Variants in CACNB2 observed in about 807,000 individuals in gnomAD.
The protein encoded by CACNB2 is voltage-dependent L-type calcium channel subunit beta-2.
In CACNB2, 42 loss-of-function variants were observed where a neutral mutation model predicts 73.3. That is an observed-to-expected ratio of 0.57 (90% CI 0.45 to 0.74). CACNB2 has a LOEUF of 0.74. CACNB2 is among the 30% of genes least tolerant of loss of function. The pLI, the probability that CACNB2 is intolerant of heterozygous loss-of-function variation, is 0.00. For synonymous variants in CACNB2, 348 were observed against 310.3 expected (o/e 1.12, Z -1.28); for missense variants, 940 against 853.0 (o/e 1.10, Z -1.27).
intron 3 of CACNB2, among the ~76,000 whole-genome samples, chr10:18,487,081 T>C (rs965209213): frequency 1.3e-5 from 2 of 152,238 alleles, no homozygotes; most frequent in East Asian, 3.9e-4. Context: ...CGCGAGAGAT[T>C]GTTCGGACCA....
At chr10:18,311,371 T>C (rs550420529) in intron 2 of CACNB2, among the ~76,000 whole-genome samples, 2 of 152,240 alleles carry the variant, frequency 1.3e-5, no homozygotes, top group East Asian at 1.9e-4. Flanking sequence ...TCCATGTAGA[T>C]AGGTAGGAGT....
At chr10:18,533,141 A>C (rs2053229799) in intron 10 of CACNB2, 1 of 152,200 alleles carries the variant, frequency 6.6e-6, no homozygotes, top group Admixed American at 6.5e-5. Flanking sequence ...CACATTTGCT[A>C]GCATAAAAGT....
chr10:18,217,753 G>A (rs2035572332), intron 2 of CACNB2, among the ~76,000 whole-genome samples: 1 of 151,774 alleles, frequency 6.6e-6, no homozygotes, highest in African/African-American at 2.4e-5. Context: ...TGTGACTGGT[G>A]TGTTCAGATA....
intron 2 of CACNB2, among the ~76,000 whole-genome samples, chr10:18,186,515 A>G (rs1459781629): frequency 6.6e-6 from 1 of 152,212 alleles, no homozygotes; most frequent in Non-Finnish European, 1.5e-5. Flanking sequence ...TACAGGAAGC[A>G]TGATGCTGGC....
At chr10:18,235,284 C>T (rs2036396337) in intron 2 of CACNB2, among the ~76,000 whole-genome samples, 1 of 151,904 alleles carries the variant, frequency 6.6e-6, no homozygotes, top group African/African-American at 2.4e-5. Flanking sequence ...AAGACCCAGT[C>T]CCTATAAAAA....
At chr10:18,197,615 G>A (rs1400124577) in intron 2 of CACNB2, among the ~76,000 whole-genome samples, 1 of 152,126 alleles carries the variant, frequency 6.6e-6, no homozygotes, top group African/African-American at 2.4e-5. Context: ...GAAGTTTCTA[G>A]GAAACCTCTC....
chr10:18,350,617 G>A (rs920536036), intron 2 of CACNB2, among the ~76,000 whole-genome samples: 5 of 152,170 alleles, frequency 3.3e-5, no homozygotes, highest in African/African-American at 9.7e-5. Context: ...TGCAGGTCCT[G>A]TAGCAGGAGG....
Position 18,294,042 on chromosome 10 carries a change from A to G in CACNB2, c.214-107882A>G, listed in dbSNP as rs190636060. On this transcript the variant is annotated intron_variant, in intron 2 of 13. Transcript: ENST00000324631. ...CCATTTGGATATTTATTTAGACTTGAGTTCAGGAGGAGAATAAAATGATTC... is the reference window on the plus strand; with the variant it reads ...CCATTTGGATATTTATTTAGACTTGGGTTCAGGAGGAGAATAAAATGATTC... Among the ~76,000 whole-genome samples the G allele has an allele frequency of 7.6e-3, 1,161 of 152,310 alleles. 11 individuals carry two copies. The highest frequency in any genetic ancestry group is 0.013 in the Non-Finnish European group (905 of 68,032).
chr10:18,512,243 TC>T (rs2050840536), intron 6 of CACNB2, among the ~76,000 whole-genome samples: 1 of 152,212 alleles, frequency 6.6e-6, no homozygotes, highest in South Asian at 2.1e-4. Context: ...CCACTCTGCC[TC>T]TTTTGTTAAA....
chr10:18,392,731 A>G (rs2043536658), intron 2 of CACNB2, among the ~76,000 whole-genome samples: 1 of 152,108 alleles, frequency 6.6e-6, no homozygotes, highest in Admixed American at 6.6e-5. Context: ...GAATTTCTAG[A>G]CCAAAAATTC....
intron 2 of CACNB2, among the ~76,000 whole-genome samples, chr10:18,225,728 C>G (rs1428935259): frequency 6.6e-6 from 1 of 152,008 alleles, no homozygotes; most frequent in Non-Finnish European, 1.5e-5. Flanking sequence ...CAACCTCCAC[C>G]TCCCGGGCTC....
In CACNB2 at chr10:18,538,326, A is replaced by T. The variant is rs749495750; in HGVS notation, c.1449A>T (p.Ser483=). The T allele has an allele frequency of 6.2e-7, 1 of 1,614,068 alleles. No homozygotes were observed. Among genetic ancestry groups the T allele is most frequent in the Admixed American group, 1.7e-5 (1 of 60,010 alleles). ...TCCTTAGCCGTACATTAGCCACTTC[A>T]AGTCTGCCTCTTAGCCCCACCCTAG... The part of the protein sequence containing the change: ...NPLLSRTLAT[S]SLPLSPTLAS... The change falls in exon 13 of 14, where the codon TCA becomes TCT. Residue 483 remains serine (S), a synonymous_variant. Coordinates refer to ENST00000324631, the MANE Select transcript of CACNB2 (RefSeq NM_201596.3).
chr10:18,278,011 T>C (rs578058981), intron 2 of CACNB2, among the ~76,000 whole-genome samples: 1 of 152,318 alleles, frequency 6.6e-6, no homozygotes, highest in African/African-American at 2.4e-5. Flanking sequence ...ACCTAGGTAG[T>C]ATACAGAAAT....
At chr10:18,466,564 T>C (rs1458958704) in intron 3 of CACNB2, among the ~76,000 whole-genome samples, 2 of 152,198 alleles carry the variant, frequency 1.3e-5, no homozygotes, top group Non-Finnish European at 2.9e-5. Flanking sequence ...TATATGAAAG[T>C]CCTACATAGA....
At chr10:18,315,353 A>AAAACAAAACC (rs1163375419) in intron 2 of CACNB2, among the ~76,000 whole-genome samples, 2 of 150,388 alleles carry the variant, frequency 1.3e-5, no homozygotes, top group Non-Finnish European at 1.5e-5. Context: ...AAAACAAAAC[A>AAAACAAAACC]AAACAAAACA....
chr10:18,204,881 G>A (rs1344686268), intron 2 of CACNB2, among the ~76,000 whole-genome samples: 1 of 150,874 alleles, frequency 6.6e-6, no homozygotes, highest in Non-Finnish European at 1.5e-5. Context: ...AATTTCAAGA[G>A]TAGGCTTCAT....
chr10:18,160,822 CTT>C (rs2032402928), intron 2 of CACNB2, among the ~76,000 whole-genome samples: 1 of 152,136 alleles, frequency 6.6e-6, no homozygotes, highest in Non-Finnish European at 1.5e-5. Context: ...TTTCTGGAAT[CTT>C]CACATTTGAT....
intron 2 of CACNB2, among the ~76,000 whole-genome samples, chr10:18,301,670 A>G (rs1170230697): frequency 2.0e-5 from 3 of 146,702 alleles, no homozygotes; most frequent in Non-Finnish European, 3.0e-5. Context: ...CTTTTTTGAG[A>G]TGGAGTCTTG....
At chr10:18,438,816 A>G (rs1270469216) in intron 3 of CACNB2, among the ~76,000 whole-genome samples, 1 of 152,174 alleles carries the variant, frequency 6.6e-6, no homozygotes, top group Non-Finnish European at 1.5e-5. Context: ...TCTCTGGGCT[A>G]AAAATCTCAA....
Sources: allele counts gnomAD v4.1 joint callset (sites outside exome capture counted in the v4.1 genomes callset), GRCh38; gene constraint gnomAD v4.1.1; transcripts MANE v1.5; gene names NCBI Gene and HGNC (gene_info 2026-07-23, HGNC 2026-07-21).